The following HDAC9 variants were observed in gnomAD, a reference collection of about 807,000 sequenced individuals.
HDAC9 encodes histone deacetylase 9.
HDAC9 carries 41 observed loss-of-function variants against 139.4 expected under a neutral mutation model. The ratio of observed to expected loss-of-function variants is 0.29; its 90% CI spans 0.23 to 0.38. HDAC9 has a LOEUF of 0.38. Ranked by LOEUF, HDAC9 falls within the 10% of genes least tolerant of loss-of-function variation. The pLI is 1.00. For synonymous variants in HDAC9, 517 were observed against 476.2 expected (o/e 1.09, Z -1.12); for missense variants, 1,147 against 1,297.0 (o/e 0.88, Z 1.78).
chr7:18,425,643 C>T (rs1468609052), intron 1 of HDAC9, among the ~76,000 whole-genome samples: 2 of 152,138 alleles, frequency 1.3e-5, no homozygotes, highest in African/African-American at 4.8e-5. Flanking sequence ...AGTGCTTTGG[C>T]AGGAAGCAGA....
intron 2 of HDAC9, among the ~76,000 whole-genome samples, chr7:18,550,039 T>G (rs886391572): frequency 2.0e-5 from 3 of 152,110 alleles, no homozygotes; most frequent in Admixed American, 6.5e-5. Context: ...TTTTTACCAT[T>G]TTCAACTCAA....
At chr7:18,351,222 T>C (rs1782822559) in intron 1 of HDAC9, among the ~76,000 whole-genome samples, 1 of 152,164 alleles carries the variant, frequency 6.6e-6, no homozygotes, top group Non-Finnish European at 1.5e-5. Context: ...TAATACATCA[T>C]TGCCTGATTT....
At chr7:18,291,260 C>T (rs1183842167) in intron 1 of HDAC9, among the ~76,000 whole-genome samples, 1 of 152,084 alleles carries the variant, frequency 6.6e-6, no homozygotes, top group Admixed American at 6.6e-5. Flanking sequence ...AAGTGAGTTT[C>T]CACTGGTTGT....
chr7:18,142,289 C>G (rs1584294615), intron 1 of HDAC9, among the ~76,000 whole-genome samples: 1 of 152,130 alleles, frequency 6.6e-6, no homozygotes, highest in Admixed American at 6.5e-5. Flanking sequence ...ATGAAACAAC[C>G]CTTGAAATAC....
chr7:18,592,344 G>A (rs965920165), intron 5 of HDAC9, among the ~76,000 whole-genome samples: 2 of 151,996 alleles, frequency 1.3e-5, no homozygotes, highest in Non-Finnish European at 2.9e-5. Context: ...TTATAGAACT[G>A]TATTTCTGTA....
chr7:18,820,829 G>C (rs145588021), intron 17 of HDAC9, among the ~76,000 whole-genome samples: 2 of 152,272 alleles, frequency 1.3e-5, no homozygotes, highest in East Asian at 3.9e-4. Context: ...ACACCAAGAG[G>C]TGTATCATTA....
intron 1 of HDAC9, among the ~76,000 whole-genome samples, chr7:18,404,175 T>C (rs1238792316): frequency 6.6e-6 from 1 of 152,280 alleles, no homozygotes; most frequent in African/African-American, 2.4e-5. Context: ...AATACAAATA[T>C]AATGTCGTGT....
At chr7:18,392,013 T>A (rs1392005343) in intron 1 of HDAC9, among the ~76,000 whole-genome samples, 1 of 152,164 alleles carries the variant, frequency 6.6e-6, no homozygotes, top group Admixed American at 6.5e-5. Flanking sequence ...TAAAATGACC[T>A]CCTCATCCTC....
At chr7:18,284,357 T>A (rs1292275727) in intron 2 of HDAC9, among the ~76,000 whole-genome samples, 1 of 152,204 alleles carries the variant, frequency 6.6e-6, no homozygotes, top group Non-Finnish European at 1.5e-5. Context: ...GGACTACTTC[T>A]GTTTCACAGG....
At chr7:18,943,434 G>T (rs1782157688) in intron 23 of HDAC9, among the ~76,000 whole-genome samples, 1 of 151,806 alleles carries the variant, frequency 6.6e-6, no homozygotes, top group Non-Finnish European at 1.5e-5. Context: ...TTTATTTTTA[G>T]GTTTATTTTT....
intron 2 of HDAC9, among the ~76,000 whole-genome samples, chr7:18,164,263 C>G (rs1481184751): frequency 6.6e-6 from 1 of 152,006 alleles, no homozygotes; most frequent in African/African-American, 2.4e-5. Context: ...ACCTGAAATT[C>G]ACTTTGCATG....
chr7:18,268,996 A>G (rs1233896896), intron 2 of HDAC9, among the ~76,000 whole-genome samples: 3 of 152,186 alleles, frequency 2.0e-5, no homozygotes, highest in African/African-American at 7.2e-5. Flanking sequence ...GCATTACACA[A>G]AATCAGGATT....
chr7:18,901,655 T>G (rs1362284987), intron 22 of HDAC9, among the ~76,000 whole-genome samples: 1 of 152,200 alleles, frequency 6.6e-6, no homozygotes, highest in Non-Finnish European at 1.5e-5. Flanking sequence ...TTACCACATA[T>G]AAATATGGCC....
At chr7:18,617,267 C>T (rs1584175502) in intron 6 of HDAC9, among the ~76,000 whole-genome samples, 2 of 152,200 alleles carry the variant, frequency 1.3e-5, no homozygotes, top group South Asian at 2.1e-4. Flanking sequence ...CATTTACTGC[C>T]TCTTCTGTTA....
chr7:18,334,956 C>T (rs2128652742), intron 1 of HDAC9, among the ~76,000 whole-genome samples: 1 of 151,444 alleles, frequency 6.6e-6, no homozygotes, highest in East Asian at 1.9e-4. Context: ...CTCTTTGGCT[C>T]ACTACCCTGC....
At chr7:18,715,391 G>A (rs1179975035) in intron 12 of HDAC9, among the ~76,000 whole-genome samples, 1 of 152,004 alleles carries the variant, frequency 6.6e-6, no homozygotes, top group East Asian at 1.9e-4. Flanking sequence ...CTAGTTCAAT[G>A]ACAAAAGATA....
intron 11 of HDAC9, among the ~76,000 whole-genome samples, chr7:18,650,931 A>G (rs1484465482): frequency 1.3e-5 from 2 of 152,136 alleles, no homozygotes; most frequent in Admixed American, 1.3e-4. Flanking sequence ...AAGTTGGCAT[A>G]TTCACGTTGG....
chr7:18,432,771 C>A (rs1262675586), intron 1 of HDAC9, among the ~76,000 whole-genome samples: 5 of 151,998 alleles, frequency 3.3e-5, no homozygotes, highest in African/African-American at 1.2e-4. Context: ...CATGGTGAAA[C>A]CCCGTCTCTA....
chr7:18,463,487 C>T (rs755029392), intron 1 of HDAC9, among the ~76,000 whole-genome samples: 3 of 151,840 alleles, frequency 2.0e-5, no homozygotes, highest in Non-Finnish European at 4.4e-5. Context: ...TCCCTTGTAT[C>T]TAAATTTTCC....
Sources: gnomAD v4.1 joint callset for allele counts (sites outside exome capture counted in the v4.1 genomes callset) on GRCh38, gnomAD v4.1.1 for gene constraint, MANE v1.5 for transcripts, NCBI Gene and HGNC (gene_info 2026-07-23, HGNC 2026-07-21) for gene names.